The following ZNF470 variants were observed in gnomAD, a reference collection of about 807,000 sequenced individuals.
ZNF470 encodes the protein zinc finger protein 470, also known as chondrogenesis zinc finger protein 1.
In ZNF470, 13 loss-of-function variants were observed where a neutral mutation model predicts 13.9. The ratio of observed to expected loss-of-function variants is 0.94; its 90% CI spans 0.61 to 1.49. ZNF470 has a LOEUF of 1.49. Among genes scored for constraint, ZNF470 ranks in the 40% most tolerant of loss-of-function variants. ZNF470 has a pLI of 0.00. For synonymous variants in ZNF470, 293 were observed against 282.9 expected, an observed-to-expected ratio of 1.04 and a Z score of -0.36; for missense variants, 929 against 857.3, an observed-to-expected ratio of 1.08 and a Z score of -1.04.
Position 56,580,283 on chromosome 19 carries a change from T to A in ZNF470, c.*1700T>A. ...TTTGAGTGTTGGAGGAAGGGAGGAT[T>A]GATGGTTTAACAGAGATCATGGCAG... On this transcript the variant is annotated 3_prime_UTR_variant, in exon 6 of 6. Transcript: ENST00000330619. 2.2e-6 allele frequency: 1 copy of A among 464,578 alleles called. No individual in the cohort carries two copies. Among genetic ancestry groups the A allele is most frequent in the Non-Finnish European group, 2.8e-6 (1 of 355,042 alleles). 28.8% of individuals were successfully genotyped at this position (464,578 alleles called of 1,614,324 possible). A position where few individuals can be genotyped will look rare whatever the true frequency, so the allele number is the denominator to read the frequency against.
At chr19:56,574,081 C>A in intron 3 of ZNF470, 1 of 419,646 alleles carries the variant, frequency 2.4e-6, no homozygotes, top group Non-Finnish European at 3.2e-6. Context: ...AATAGCATTG[C>A]GTTAGCACTT....
At position 56,573,284 on chromosome 19, in the gene ZNF470, G is replaced by A. The variant is rs549900422; in HGVS notation, c.61-1110G>A. Among the ~76,000 whole-genome samples, 3 of 152,206 alleles carry A rather than the reference G, an allele frequency of 2.0e-5. No individual in the cohort carries two copies. The South Asian group carries it at 6.2e-4, about 32-fold the overall frequency. On this transcript the variant is annotated intron_variant, in intron 3 of 5. Transcript: ENST00000330619. ...CAATTACATCATGCCAGGCATTTTA[G>A]ATCTGTTTCTTCATTTAATTTTCAC... is the stretch of plus-strand genomic sequence containing the variant.
chr19:56,567,595 G>C lies in ZNF470; in HGVS notation c.-602G>C, dbSNP rs1466693507. 1 of 988,334 alleles carries C rather than the reference G, an allele frequency of 1.0e-6. No individual in the cohort carries two copies. Among genetic ancestry groups the C allele is most frequent in the African/African-American group, 1.7e-5 (1 of 57,178 alleles). 61.2% of individuals were successfully genotyped at this position (988,334 alleles called of 1,614,324 possible). ...GCGGGGGCGGTGTCCTGGTTCCTGT[G>C]TGGGCGGCGGGCGTGAGCGTGCGCG... is the stretch of plus-strand genomic sequence containing the variant. On this transcript the variant is annotated 5_prime_UTR_variant, in exon 1 of 6. Coordinates refer to ENST00000330619, the MANE Select transcript of ZNF470 (RefSeq NM_001001668.4).
rs2044454551 is a variant in ZNF470, at chr19:56,571,855, T to C, written c.60+1484T>C. On this transcript the variant is annotated intron_variant, in intron 3 of 5. Coordinates refer to ENST00000330619, the MANE Select transcript of ZNF470 (RefSeq NM_001001668.4). ...CTAGTCTCAAACTCCTGACCTCAAG[T>C]GATCTGCCAGCTTTGGCCTCCCAAA... Among the ~76,000 whole-genome samples, 6 of 150,942 alleles carry C rather than the reference T, an allele frequency of 4.0e-5. No individual in the cohort carries two copies. The South Asian group carries it at 1.3e-3, about 32-fold the overall frequency.
At position 56,579,683 on chromosome 19, in the gene ZNF470, A is replaced by G. The variant is rs2044521046; in HGVS notation, c.*1100A>G. The G allele has an allele frequency of 1.0e-6, 1 of 985,276 alleles. No individual in the cohort carries two copies. Among genetic ancestry groups the G allele is most frequent in the South Asian group, 4.7e-5 (1 of 21,292 alleles). 61.0% of individuals were successfully genotyped at this position (985,276 alleles called of 1,614,324 possible). A position where few individuals can be genotyped will look rare whatever the true frequency, so the allele number is the denominator to read the frequency against. On this transcript the variant is annotated 3_prime_UTR_variant, in exon 6 of 6. Coordinates refer to ENST00000330619, the MANE Select transcript of ZNF470 (RefSeq NM_001001668.4). ...TGACAAGACATGCCAAAACATAAAAATATGTACACTGCAATTAGTTTCTGA... is the reference window on the plus strand; with the variant it reads ...TGACAAGACATGCCAAAACATAAAAGTATGTACACTGCAATTAGTTTCTGA...
In ZNF470 at chr19:56,582,575, C is replaced by T; in HGVS notation, c.*3992C>T. On this transcript the variant is annotated 3_prime_UTR_variant, in exon 6 of 6. Coordinates refer to ENST00000330619, the MANE Select transcript of ZNF470 (RefSeq NM_001001668.4). ...CACCACCAAATGCTGGCCTCTACCA[C>T]CACCAAATTTACTTGTTGAAGTCCT... The T allele has an allele frequency of 1.0e-6, 1 of 985,366 alleles. No homozygotes were observed. Among genetic ancestry groups the T allele is most frequent in the Middle Eastern group, 5.2e-4 (1 of 1,914 alleles). The allele number at this position is 985,366 out of a possible 1,614,324, so 61.0% of individuals were successfully genotyped here.
Position 56,579,052 on chromosome 19 carries a change from T to C in ZNF470, c.*469T>C. 1.0e-6 allele frequency: 1 copy of C among 986,082 alleles called. No homozygotes were observed. The highest frequency in any genetic ancestry group is 4.7e-5 in the South Asian group (1 of 21,298). 61.1% of individuals were successfully genotyped at this position (986,082 alleles called of 1,614,324 possible). On this transcript the variant is annotated 3_prime_UTR_variant, in exon 6 of 6. Transcript: ENST00000330619. ...GTACACAAGGTAACATGGTGGCTTATCACTCCCTCTGTGACATTGTTGATG... is the reference window on the plus strand; with the variant it reads ...GTACACAAGGTAACATGGTGGCTTACCACTCCCTCTGTGACATTGTTGATG...
At position 56,579,967 on chromosome 19, in the gene ZNF470, T is replaced by A. The variant is rs541738066; in HGVS notation, c.*1384T>A. Reference sequence around the variant, plus strand: ...GAACATTTGCTAATGTTTCACACACTATTTTAGGTGCTGGGGGATACAGTA... The same window carrying A: ...GAACATTTGCTAATGTTTCACACACAATTTTAGGTGCTGGGGGATACAGTA... On this transcript the variant is annotated 3_prime_UTR_variant, in exon 6 of 6. Coordinates refer to ENST00000330619, the MANE Select transcript of ZNF470 (RefSeq NM_001001668.4). The A allele has an allele frequency of 8.2e-5, 24 of 290,916 alleles. No homozygotes were observed. The highest frequency in any genetic ancestry group is 5.5e-4 in the African/African-American group (24 of 43,912). The allele number at this position is 290,916 out of a possible 1,614,324, so 18.0% of individuals were successfully genotyped here.
Position 56,574,513 on chromosome 19 carries a change from T to TG in ZNF470, c.180_181insG (p.Ser61ValfsTer8). On this transcript the variant is annotated frameshift_variant, in exon 4 of 6. Coordinates refer to ENST00000330619, the MANE Select transcript of ZNF470 (RefSeq NM_001001668.4). LOFTEE classifies it high-confidence loss of function. Reference sequence around the variant, plus strand: ...TGTTAGAAAACTACAGGAACCTAGTTTCAGTGGGTAAGAGTATCTTCCTCC... The same window carrying TG: ...TGTTAGAAAACTACAGGAACCTAGTTGTCAGTGGGTAAGAGTATCTTCCTCC... The TG allele has an allele frequency of 6.2e-7, 1 of 1,613,800 alleles. No individual in the cohort carries two copies. The highest frequency in any genetic ancestry group is 8.5e-7 in the Non-Finnish European group (1 of 1,179,754).
chr19:56,570,235 A>T, intron 2 of ZNF470, 45 bp from the exon 3 acceptor site: 1 of 1,416,064 alleles, frequency 7.1e-7, no homozygotes, highest in South Asian at 1.2e-5. Flanking sequence ...TCAGACTTTG[A>T]TTATTAGTGC....
At position 56,577,426 on chromosome 19, in the gene ZNF470, G is replaced by A. The variant is rs762515924; in HGVS notation, c.997G>A (p.Val333Ile). The A allele has an allele frequency of 1.1e-5, 17 of 1,613,492 alleles. No homozygotes were observed. In the Admixed American group the frequency reaches 1.3e-4, roughly 13 times the overall value. Residue 333 changes from valine (V) to isoleucine (I), a missense_variant, in exon 6 of 6, where the codon GTC (valine) becomes ATC (isoleucine). Val to Ile is a conservative substitution (Grantham distance 29, BLOSUM62 3). Transcript: ENST00000330619. ...QLAHLAQHQR[V>I]HTGEKPYECI... ...TGCACACCTTGCTCAACATCAGAGG[G>A]TCCACACTGGAGAGAAACCCTATGA...
intron 3 of ZNF470, chr19:56,573,827 T>C (rs760135111): frequency 2.6e-5 from 9 of 346,144 alleles, no homozygotes; most frequent in Non-Finnish European, 3.7e-5. Flanking sequence ...ACTTTTCAAA[T>C]GTGTTCTTCT....
rs147668780 is a variant in ZNF470, at chr19:56,578,542, G to T, written c.2113G>T (p.Val705Phe). The T allele has an allele frequency of 4.4e-6, 7 of 1,579,412 alleles. No individual in the cohort carries two copies. The African/African-American group carries it at 9.5e-5, about 21-fold the overall frequency. ...GCGAATTCATACCGGAGAGTCATCA[G>T]TTATTCTCTCCTCTGCCCTCCCATA... ...HQRIHTGESS[V>F]ILSSALPYHQ... Residue 705 changes from valine to phenylalanine, a missense_variant, in exon 6 of 6, where the codon GTT (valine) becomes TTT (phenylalanine). Coordinates refer to ENST00000330619, the MANE Select transcript of ZNF470 (RefSeq NM_001001668.4).
At position 56,578,208 on chromosome 19, in the gene ZNF470, T is replaced by C; in HGVS notation, c.1779T>C (p.Tyr593=). ...GACTCCACAGTGGCAAAAGACCGTA[T>C]GAATGTCTTGAATGTGGGAAGGCAT... ...HQRLHSGKRP[Y]ECLECGKAFR... The change falls in exon 6 of 6, where the codon TAT becomes TAC. Residue 593 remains tyrosine, a synonymous_variant. Coordinates refer to ENST00000330619, the MANE Select transcript of ZNF470 (RefSeq NM_001001668.4). The C allele has an allele frequency of 6.2e-7, 1 of 1,614,068 alleles. No homozygotes were observed. Among genetic ancestry groups the C allele is most frequent in the Non-Finnish European group, 8.5e-7 (1 of 1,179,988 alleles).
chr19:56,579,855 G>A lies in ZNF470; in HGVS notation c.*1272G>A, dbSNP rs2044522455. 1.5e-6 allele frequency: 1 copy of A among 651,216 alleles called. No individual in the cohort carries two copies. Among genetic ancestry groups the A allele is most frequent in the African/African-American group, 2.0e-5 (1 of 50,508 alleles). The allele number at this position is 651,216 out of a possible 1,614,324, so 40.3% of individuals were successfully genotyped here. On this transcript the variant is annotated 3_prime_UTR_variant, in exon 6 of 6. Transcript: ENST00000330619. ...CAGTAAAAATTTCCATATTTTTTTA[G>A]TTGAGAAGCTGATTCTGATCATCTG...
At position 56,567,550 on chromosome 19, in the gene ZNF470, C is replaced by G; in HGVS notation, c.-647C>G. 9 of 984,942 alleles carry G rather than the reference C, an allele frequency of 9.1e-6. No homozygotes were observed. Among genetic ancestry groups the G allele is most frequent in the Non-Finnish European group, 9.6e-6 (8 of 830,192 alleles). 61.0% of individuals were successfully genotyped at this position (984,942 alleles called of 1,614,324 possible). A position where few individuals can be genotyped will look rare whatever the true frequency, so the allele number is the denominator to read the frequency against. Reference sequence around the variant, plus strand: ...AGGGAGGTCTGGGCGGGGCAGCGGCCGAGGCTGGACTGGGGCGCGGCGGGG... The same window carrying G: ...AGGGAGGTCTGGGCGGGGCAGCGGCGGAGGCTGGACTGGGGCGCGGCGGGG... On this transcript the variant is annotated 5_prime_UTR_variant, in exon 1 of 6. Coordinates refer to ENST00000330619, the MANE Select transcript of ZNF470 (RefSeq NM_001001668.4).
rs1023198853 is a variant in ZNF470 at position 56,580,074 on chromosome 19, A to G, written c.*1491A>G. The G allele has an allele frequency of 2.5e-6, 2 of 816,198 alleles. No homozygotes were observed. The highest frequency in any genetic ancestry group is 3.0e-6 in the Non-Finnish European group (2 of 675,878). 50.6% of individuals were successfully genotyped at this position (816,198 alleles called of 1,614,324 possible). A position where few individuals can be genotyped will look rare whatever the true frequency, so the allele number is the denominator to read the frequency against. On this transcript the variant is annotated 3_prime_UTR_variant, in exon 6 of 6. Coordinates refer to ENST00000330619, the MANE Select transcript of ZNF470 (RefSeq NM_001001668.4). ...TAAATGCATGCTATGTGATAAGTAT[A>G]TGATATGTCCCATAAAGAGAAATGA...
Position 56,578,627 on chromosome 19 carries a change from A to G in ZNF470, c.*44A>G. ...TTCTAGCATCCATCTGCTTTTTTCC[A>G]GCACATGTCCCATCATCATAGTCCA... On this transcript the variant is annotated 3_prime_UTR_variant, in exon 6 of 6. Coordinates refer to ENST00000330619, the MANE Select transcript of ZNF470 (RefSeq NM_001001668.4). 6.9e-7 allele frequency: 1 copy of G among 1,445,770 alleles called. No homozygotes were observed. Among genetic ancestry groups the G allele is most frequent in the South Asian group, 1.6e-5 (1 of 61,574 alleles). The allele number at this position is 1,445,770 out of a possible 1,614,324, so 89.6% of individuals were successfully genotyped here. A position where few individuals can be genotyped will look rare whatever the true frequency, so the allele number is the denominator to read the frequency against.
intron 2 of ZNF470, among the ~76,000 whole-genome samples, chr19:56,569,657 C>T (rs1247029909): frequency 6.6e-6 from 1 of 152,090 alleles, no homozygotes; most frequent in African/African-American, 2.4e-5. Flanking sequence ...ATATATGCAG[C>T]ACAGACATGG....
Sources: allele counts gnomAD v4.1 joint callset (sites outside exome capture counted in the v4.1 genomes callset), GRCh38; gene constraint gnomAD v4.1.1; transcripts MANE v1.5; gene names NCBI Gene and HGNC (gene_info 2026-07-23, HGNC 2026-07-21).